FRS2: variants seen among roughly 807,000 people sequenced by gnomAD.
FRS2 encodes the protein FGFR signalling adaptor.
Under a neutral mutation model 43.9 loss-of-function variants are expected in FRS2, and 8 were observed. The ratio of observed to expected loss-of-function variants is 0.18; its 90% CI spans 0.11 to 0.33. FRS2 has a LOEUF of 0.33. Ranked by LOEUF, FRS2 falls within the 10% of genes least tolerant of loss-of-function variation. FRS2 has a pLI of 1.00. For missense variants in FRS2, 534 were observed against 627.6 expected (o/e 0.85, Z 1.59); for synonymous variants, 219 against 220.3 (o/e 0.99, Z 0.05).
At chr12:69,554,566 C>G (rs552742991) in intron 3 of FRS2, among the ~76,000 whole-genome samples, 25 of 152,278 alleles carry the variant, frequency 1.6e-4, no homozygotes, top group African/African-American at 5.8e-4. Flanking sequence ...CTTACATAAC[C>G]GTGACATATT....
intron 1 of FRS2, among the ~76,000 whole-genome samples, chr12:69,521,674 G>T (rs1875656306): frequency 6.6e-6 from 1 of 152,044 alleles, no homozygotes; most frequent in African/African-American, 2.4e-5. Context: ...GGAGTGCAGT[G>T]GTGCGATTTG....
chr12:69,496,817 C>T (rs1427551867), intron 1 of FRS2, among the ~76,000 whole-genome samples: 1 of 152,096 alleles, frequency 6.6e-6, no homozygotes, highest in Non-Finnish European at 1.5e-5. Flanking sequence ...ACATTTATAT[C>T]TAAGAATATA....
intron 1 of FRS2, among the ~76,000 whole-genome samples, chr12:69,503,151 T>A (rs1032118907): frequency 3.9e-5 from 6 of 152,210 alleles, no homozygotes; most frequent in African/African-American, 1.2e-4. Flanking sequence ...CTTGCAGCTG[T>A]AGGACTGACG....
intron 1 of FRS2, among the ~76,000 whole-genome samples, chr12:69,480,979 T>G (rs1282503344): frequency 6.6e-6 from 1 of 152,214 alleles, no homozygotes; most frequent in Non-Finnish European, 1.5e-5. Flanking sequence ...ATTTTATTCC[T>G]TAGAGCTTAT....
rs1555192498 is a variant in FRS2 at position 69,557,619 on chromosome 12, T to TGTGTGTGTGTGCGC, written c.-121-4560_-121-4559insTGTGTGTGTGCGCG. On this transcript the variant is annotated intron_variant, in intron 3 of 8. Transcript: ENST00000549921. ...TTGTGTGTGTGTGTGTGTGTGTGTG[T>TGTGTGTGTGTGCGC]GCGCGCGCGCGCGCGCGCAGGTGCA... Among the ~76,000 whole-genome samples, 296 of 119,008 alleles carry TGTGTGTGTGTGCGC rather than the reference T, an allele frequency of 2.5e-3. 1 individual carries two copies. The highest frequency in any genetic ancestry group is 8.0e-3 in the East Asian group (32 of 4,020). The allele number at this position is 119,008 out of a possible 152,430, so 78.1% of individuals were successfully genotyped here. A position where few individuals can be genotyped will look rare whatever the true frequency, so the allele number is the denominator to read the frequency against.
At chr12:69,568,154 A>G (rs904746299) in intron 4 of FRS2, among the ~76,000 whole-genome samples, 3 of 152,156 alleles carry the variant, frequency 2.0e-5, no homozygotes, top group Admixed American at 6.5e-5. Flanking sequence ...ACTTACCTCT[A>G]ACCTTCTATG....
At chr12:69,566,894 TGTCTTCCA>T (rs1880347694) in intron 4 of FRS2, among the ~76,000 whole-genome samples, 1 of 152,232 alleles carries the variant, frequency 6.6e-6, no homozygotes, top group African/African-American at 2.4e-5. Flanking sequence ...GGGCCCCATT[TGTCTTCCA>T]GTCTACCCTG....
rs1555192498 is a variant in FRS2, at chr12:69,557,619, T to TGTGTGCGCGC, written c.-121-4560_-121-4559insTGTGCGCGCG. Among the ~76,000 whole-genome samples the TGTGTGCGCGC allele has an allele frequency of 3.8e-3, 457 of 118,992 alleles. 3 individuals carry two copies. Among genetic ancestry groups the TGTGTGCGCGC allele is most frequent in the African/African-American group, 8.0e-3 (281 of 35,156 alleles). 78.1% of individuals were successfully genotyped at this position (118,992 alleles called of 152,430 possible). ...TTGTGTGTGTGTGTGTGTGTGTGTGTGCGCGCGCGCGCGCGCGCAGGTGCA... is the reference window on the plus strand; with the variant it reads ...TTGTGTGTGTGTGTGTGTGTGTGTGTGTGTGCGCGCGCGCGCGCGCGCGCGCGCAGGTGCA... On this transcript the variant is annotated intron_variant, in intron 3 of 8. Transcript: ENST00000549921.
At chr12:69,559,787 TAA>T (rs542809585) in intron 3 of FRS2, among the ~76,000 whole-genome samples, 1 of 143,458 alleles carries the variant, frequency 7.0e-6, no homozygotes, top group African/African-American at 2.5e-5. Flanking sequence ...CCCAATGGTT[TAA>T]AAAAAAAAAA....
chr12:69,472,877 C>T (rs1870438621), intron 1 of FRS2, among the ~76,000 whole-genome samples: 1 of 152,114 alleles, frequency 6.6e-6, no homozygotes, highest in Admixed American at 6.5e-5. Context: ...GTGTTGAGTG[C>T]TTCATGAAAA....
intron 3 of FRS2, among the ~76,000 whole-genome samples, chr12:69,551,929 GGT>G: frequency 6.6e-6 from 1 of 151,428 alleles, no homozygotes; most frequent in East Asian, 1.9e-4. Flanking sequence ...CTAAAATTTG[GGT>G]GTGTCTTACA....
chr12:69,535,696 T>C (rs892584654), intron 3 of FRS2, among the ~76,000 whole-genome samples: 2 of 152,180 alleles, frequency 1.3e-5, no homozygotes, highest in African/African-American at 4.8e-5. Flanking sequence ...AAGAACTTGT[T>C]AATTGTTCTC....
intron 4 of FRS2, among the ~76,000 whole-genome samples, chr12:69,567,399 C>A (rs1880394168): frequency 6.6e-6 from 1 of 152,256 alleles, no homozygotes; most frequent in South Asian, 2.1e-4. Flanking sequence ...AGGGATCCTT[C>A]ACATTTGTTT....
At chr12:69,546,264 C>CT (rs918415184) in intron 3 of FRS2, among the ~76,000 whole-genome samples, 26 of 148,736 alleles carry the variant, frequency 1.7e-4, no homozygotes, top group African/African-American at 2.9e-4. Flanking sequence ...AGGATGGCTA[C>CT]TTTTTTTTTT....
At chr12:69,523,968 C>T (rs1171656645) in intron 1 of FRS2, among the ~76,000 whole-genome samples, 1 of 152,230 alleles carries the variant, frequency 6.6e-6, no homozygotes, top group Non-Finnish European at 1.5e-5. Flanking sequence ...CACGTGCCAA[C>T]AGCAGTGGCA....
chr12:69,508,203 A>G (rs576398611), intron 1 of FRS2, among the ~76,000 whole-genome samples: 1 of 152,154 alleles, frequency 6.6e-6, no homozygotes, highest in Non-Finnish European at 1.5e-5. Flanking sequence ...AATCAACTCT[A>G]CTATTGCTGG....
At chr12:69,478,356 G>C (rs1283417627) in intron 1 of FRS2, among the ~76,000 whole-genome samples, 1 of 152,010 alleles carries the variant, frequency 6.6e-6, no homozygotes, top group Admixed American at 6.5e-5. Flanking sequence ...TATAGCTTCT[G>C]AGCACTTAAA....
At chr12:69,477,709 CTTATTTAT>C (rs138396374) in intron 1 of FRS2, among the ~76,000 whole-genome samples, 16,438 of 141,992 alleles carry the variant, frequency 0.12, 1,188 homozygotes, top group Non-Finnish European at 0.17. Flanking sequence ...TTAATAGTAG[CTTATTTAT>C]TTATTTATTT....
chr12:69,478,432 A>G (rs913482712), intron 1 of FRS2, among the ~76,000 whole-genome samples: 3 of 152,128 alleles, frequency 2.0e-5, no homozygotes, highest in Non-Finnish European at 2.9e-5. Flanking sequence ...TTTAAATATG[A>G]ATACCCACAT....
Sources: allele counts gnomAD v4.1 joint callset (sites outside exome capture counted in the v4.1 genomes callset), GRCh38; gene constraint gnomAD v4.1.1; transcripts MANE v1.5; gene names NCBI Gene and HGNC (gene_info 2026-07-23, HGNC 2026-07-21).